PHF21B: variants seen among roughly 807,000 people sequenced by gnomAD.
PHF21B encodes the protein PHD finger protein 4.
In PHF21B, 22 loss-of-function variants were observed where a neutral mutation model predicts 62.2. The observed-to-expected ratio is 0.35, with a 90% CI of 0.25 to 0.51. The LOEUF (loss-of-function observed/expected upper bound fraction) is 0.51. Among genes scored for constraint, PHF21B ranks in the 20% least tolerant of loss-of-function variants. PHF21B has a pLI of 0.97. For missense variants in PHF21B, 701 were observed against 707.9 expected (o/e 0.99, Z 0.11); for synonymous variants, 341 against 314.7 (o/e 1.08, Z -0.88).
intron 2 of PHF21B, among the ~76,000 whole-genome samples, chr22:44,984,230 TCACCACCCTCATTAC>T: frequency 9.8e-5 from 1 of 10,200 alleles, no homozygotes; most frequent in Non-Finnish European, 2.2e-4. Context: ...ACCATCACCA[TCACCACCCTCATTAC>T]CACCACCATC....
intron 2 of PHF21B, among the ~76,000 whole-genome samples, chr22:44,966,520 C>G (rs1297847103): frequency 6.6e-6 from 1 of 152,146 alleles, no homozygotes; most frequent in Non-Finnish European, 1.5e-5. Context: ...GACCAAGCCC[C>G]TGTCCCCAGG....
chr22:44,991,734 T>C (rs1266354387), intron 2 of PHF21B, among the ~76,000 whole-genome samples: 3 of 152,178 alleles, frequency 2.0e-5, no homozygotes, highest in Non-Finnish European at 4.4e-5. Flanking sequence ...CTCCCTCCAC[T>C]GGCCTGCTAG....
chr22:45,009,622 C>G lies in PHF21B; in HGVS notation c.-73G>C. On this transcript the variant is annotated 5_prime_UTR_variant, in exon 1 of 13. Coordinates refer to ENST00000313237, the MANE Select transcript of PHF21B (RefSeq NM_138415.5). This position sits in a 1 kb window ranked among gnomAD's most constrained non-coding sequence, Gnocchi z 5.9. ...GGGAAGTTGCGCGGCTCCGCGGGGG[C>G]CAGAGCGGGCGCGGGCGGACGCGGC... 3.5e-6 allele frequency: 5 copies of G among 1,432,716 alleles called. No homozygotes were observed. The highest frequency in any genetic ancestry group is 4.6e-6 in the Non-Finnish European group (5 of 1,096,536). 88.8% of individuals were successfully genotyped at this position (1,432,716 alleles called of 1,614,324 possible).
rs529656081 is a variant in PHF21B, at chr22:44,990,048, C to G, written c.120+18497G>C. 2.2e-3 allele frequency among the ~76,000 whole-genome samples: 342 copies of G among 152,374 alleles called. 4 individuals carry two copies. Among genetic ancestry groups the G allele is most frequent in the Non-Finnish European group, 3.2e-3 (216 of 68,046 alleles). On this transcript the variant is annotated intron_variant, in intron 2 of 12. Coordinates refer to ENST00000313237, the MANE Select transcript of PHF21B (RefSeq NM_138415.5). Reference sequence around the variant, plus strand: ...GGCTCCGTGAATGCTGCCGCTGCCTCCACTTCCACCCATGCCCGTGTCCCC... The same window carrying G: ...GGCTCCGTGAATGCTGCCGCTGCCTGCACTTCCACCCATGCCCGTGTCCCC...
chr22:44,971,428 A>G (rs972271050), intron 2 of PHF21B: 2 of 152,242 alleles, frequency 1.3e-5, no homozygotes, highest in East Asian at 3.9e-4. Context: ...TGCATCCGAG[A>G]CCACCTGTAC....
intron 2 of PHF21B, chr22:44,967,167 GCA>G (rs1296112457): frequency 6.6e-6 from 1 of 152,000 alleles, no homozygotes; most frequent in African/African-American, 2.4e-5. Flanking sequence ...AATGCGCCCT[GCA>G]CAGAGACCAG....
At chr22:44,896,722 C>G (rs1473740218) in intron 5 of PHF21B, among the ~76,000 whole-genome samples, 1 of 152,122 alleles carries the variant, frequency 6.6e-6, no homozygotes, top group Non-Finnish European at 1.5e-5. Flanking sequence ...TTATCTCATT[C>G]TTTTCACCCT....
chr22:44,922,262 G>A (rs902897710), intron 2 of PHF21B, among the ~76,000 whole-genome samples: 5 of 152,162 alleles, frequency 3.3e-5, no homozygotes, highest in African/African-American at 1.2e-4. Context: ...ACCGTATGCC[G>A]GCCTCAACAG....
Position 44,886,416 on chromosome 22 carries a change from A to G in PHF21B, c.1198-478T>C, listed in dbSNP as rs866968982. 1.1e-3 allele frequency among the ~76,000 whole-genome samples: 135 copies of G among 118,036 alleles called. 1 individual carries two copies. The South Asian group carries it at 0.014, about 12-fold the overall frequency. The allele number at this position is 118,036 out of a possible 152,430, so 77.4% of individuals were successfully genotyped here. ...GCAAAAAAAAAAAAAAAAAAAAAAA[A>G]AAAAGCTGGGCATTAATCCCAGCAG... On this transcript the variant is annotated intron_variant, in intron 10 of 12. Transcript: ENST00000313237.
At position 44,883,178 on chromosome 22, in the gene PHF21B, T is replaced by C. The variant is rs201377055; in HGVS notation, c.1504A>G (p.Thr502Ala). 1 of 1,613,356 alleles carries C rather than the reference T, an allele frequency of 6.2e-7. No individual in the cohort carries two copies. The highest frequency in any genetic ancestry group is 8.5e-7 in the Non-Finnish European group (1 of 1,179,940). Residue 502 changes from threonine to alanine, a missense_variant, in exon 13 of 13, where the codon ACT becomes GCT. Physicochemically the swap from Thr to Ala is moderately conservative, Grantham distance 58 (BLOSUM62 0). Coordinates refer to ENST00000313237, the MANE Select transcript of PHF21B (RefSeq NM_138415.5). ...EQLLQVTMTT[T>A]SPAPLLAGPW... ...CCGGCCAGCAGTGGGGCAGGGCTAG[T>C]GGTCGTCATGGTGACCTGGAGCAGC...
At chr22:44,949,626 T>C (rs1261972377) in intron 2 of PHF21B, among the ~76,000 whole-genome samples, 1 of 152,192 alleles carries the variant, frequency 6.6e-6, no homozygotes, top group Non-Finnish European at 1.5e-5. Context: ...GTGGGGACTA[T>C]TTTTCTAAAA....
At chr22:44,940,749 G>A (rs1284461579) in intron 2 of PHF21B, among the ~76,000 whole-genome samples, 1 of 152,130 alleles carries the variant, frequency 6.6e-6, no homozygotes, top group East Asian at 1.9e-4. Context: ...CCAACAGCTG[G>A]GACCTTCCAG....
chr22:44,974,788 T>TA (rs1218733822), intron 2 of PHF21B, among the ~76,000 whole-genome samples: 1 of 152,244 alleles, frequency 6.6e-6, no homozygotes, highest in Non-Finnish European at 1.5e-5. Context: ...GATTTAGATC[T>TA]AATAAGACCA....
chr22:44,898,873 C>A (rs909284055), intron 5 of PHF21B, among the ~76,000 whole-genome samples: 1 of 152,192 alleles, frequency 6.6e-6, no homozygotes, highest in African/African-American at 2.4e-5. Flanking sequence ...TGTTCCAATA[C>A]CATTTACTGA....
chr22:44,952,208 T>C (rs1367142472), intron 2 of PHF21B, among the ~76,000 whole-genome samples: 2 of 152,028 alleles, frequency 1.3e-5, no homozygotes, highest in African/African-American at 2.4e-5. Flanking sequence ...CTAGGCGTGG[T>C]GGCAGACGCC....
chr22:44,981,010 C>A (rs544198844), intron 2 of PHF21B, among the ~76,000 whole-genome samples: 2 of 152,320 alleles, frequency 1.3e-5, no homozygotes, highest in Admixed American at 1.3e-4. Flanking sequence ...TTCTGCAAAA[C>A]GGGAAATAAA....
intron 2 of PHF21B, among the ~76,000 whole-genome samples, chr22:44,993,160 G>C (rs1601689094): frequency 6.6e-6 from 1 of 152,322 alleles, no homozygotes; most frequent in South Asian, 2.1e-4. Flanking sequence ...ATCTCACTGG[G>C]ATTCCTGGCA....
intron 2 of PHF21B, among the ~76,000 whole-genome samples, chr22:44,979,022 C>T (rs953683741): frequency 6.6e-6 from 1 of 152,254 alleles, no homozygotes; most frequent in African/African-American, 2.4e-5. Context: ...TGAAACTGCA[C>T]TTTGGGCTCA....
At chr22:44,929,626 C>G (rs917747042) in intron 2 of PHF21B, among the ~76,000 whole-genome samples, 77 of 152,338 alleles carry the variant, frequency 5.1e-4, no homozygotes, top group Middle Eastern at 3.4e-3. Flanking sequence ...CCCCCACCTC[C>G]AAAGAAAGAG....
Sources: gnomAD v4.1 joint callset for allele counts (sites outside exome capture counted in the v4.1 genomes callset) on GRCh38, gnomAD v4.1.1 for gene constraint, Gnocchi (gnomAD v3.1) non-coding constraint, MANE v1.5 for transcripts, NCBI Gene and HGNC (gene_info 2026-07-23, HGNC 2026-07-21) for gene names.